Variants in MAP3K7 observed in about 807,000 individuals in gnomAD.
MAP3K7 encodes the protein TGF-beta activated kinase 1.
A neutral mutation model predicts 84.8 loss-of-function variants in MAP3K7; 21 were observed. The observed-to-expected ratio is 0.25, with a 90% CI of 0.18 to 0.36. The LOEUF is 0.36. Among genes scored for constraint, MAP3K7 ranks in the 10% least tolerant of loss-of-function variants. MAP3K7 has a pLI of 1.00. For missense variants in MAP3K7, 503 were observed against 747.7 expected (o/e 0.67, Z 3.82); for synonymous variants, 241 against 247.7 (o/e 0.97, Z 0.25).
intron 1 of MAP3K7, among the ~76,000 whole-genome samples, chr6:90,584,159 G>T (rs1305426886): frequency 6.6e-6 from 1 of 151,822 alleles, no homozygotes; most frequent in Non-Finnish European, 1.5e-5. Context: ...ATAAAATATT[G>T]GAAGCAACAT....
intron 12 of MAP3K7, among the ~76,000 whole-genome samples, chr6:90,543,990 T>C (rs997591672): frequency 6.6e-6 from 1 of 152,140 alleles, no homozygotes; most frequent in Admixed American, 6.6e-5. Context: ...CCAACTATTT[T>C]ACATGATTCT....
intron 12 of MAP3K7, among the ~76,000 whole-genome samples, chr6:90,540,807 AG>A (rs1189250664): frequency 6.6e-6 from 1 of 151,908 alleles, no homozygotes; most frequent in East Asian, 1.9e-4. Context: ...AAACTGAAAA[AG>A]GTTGTTCCTC....
intron 13 of MAP3K7, among the ~76,000 whole-genome samples, chr6:90,526,099 T>C (rs1775313631): frequency 6.6e-6 from 1 of 152,222 alleles, no homozygotes; most frequent in Middle Eastern, 3.4e-3. Flanking sequence ...CACCTTGGCC[T>C]CCCAAAGTGC....
intron 12 of MAP3K7, among the ~76,000 whole-genome samples, chr6:90,540,536 TACA>T (rs1775822471): frequency 6.6e-6 from 1 of 151,998 alleles, no homozygotes; most frequent in Admixed American, 6.6e-5. Context: ...ATGAACCATG[TACA>T]ACAAATTTTA....
At chr6:90,537,400 G>A (rs1193740440) in intron 12 of MAP3K7, among the ~76,000 whole-genome samples, 5 of 151,880 alleles carry the variant, frequency 3.3e-5, no homozygotes, top group East Asian at 1.9e-4. Context: ...AGAATCTTTC[G>A]TAGAGACATC....
intron 13 of MAP3K7, among the ~76,000 whole-genome samples, chr6:90,531,383 G>C (rs772535100): frequency 9.9e-5 from 15 of 152,064 alleles, no homozygotes; most frequent in Non-Finnish European, 1.9e-4. Flanking sequence ...AAAACACAGA[G>C]ATTAAATGAT....
At chr6:90,519,216 A>T (rs937023322) in intron 15 of MAP3K7, 42 bp downstream of exon 15, 1 of 1,264,510 alleles carries the variant, frequency 7.9e-7, no homozygotes, top group Non-Finnish European at 1.1e-6. Context: ...AAACTCTCTA[A>T]GAAGAAAAAA....
At chr6:90,580,792 G>A (rs1445345268) in intron 1 of MAP3K7, among the ~76,000 whole-genome samples, 1 of 152,110 alleles carries the variant, frequency 6.6e-6, no homozygotes, top group Non-Finnish European at 1.5e-5. Context: ...AAAAAACAGA[G>A]GAATGCAAAA....
rs765336789 is a variant in MAP3K7 at position 90,547,252 on chromosome 6, T to C, written c.1210+6A>G. 9.5e-5 allele frequency: 154 copies of C among 1,613,286 alleles called. No homozygotes were observed. The highest frequency in any genetic ancestry group is 1.2e-4 in the Non-Finnish European group (146 of 1,179,628). ...TTCACTCTTCAGACTTGTAGTTCCT[T>C]TTTACCTGTGGTTGCGGCGATCCTA... On this transcript the variant is annotated splice_donor_region_variant and intron_variant, in intron 11 of 16. Transcript: ENST00000369329.
At position 90,587,053 on chromosome 6, in the gene MAP3K7, G is replaced by T; in HGVS notation, c.-170C>A. 2.7e-6 allele frequency: 2 copies of T among 747,790 alleles called. No homozygotes were observed. The highest frequency in any genetic ancestry group is 3.9e-6 in the Non-Finnish European group (2 of 515,146). The allele number at this position is 747,790 out of a possible 1,614,324, so 46.3% of individuals were successfully genotyped here. A position where few individuals can be genotyped will look rare whatever the true frequency, so the allele number is the denominator to read the frequency against. ...GCGGCCACAGCCGTGTCCGGCTCTG[G>T]CTCCGCTGCGTTTTCCGCCGACGGG... On this transcript the variant is annotated 5_prime_UTR_variant, in exon 1 of 17. Coordinates refer to ENST00000369329, the MANE Select transcript of MAP3K7 (RefSeq NM_145331.3).
Position 90,550,463 on chromosome 6 carries a change from T to A in MAP3K7, c.949+5A>T, listed in dbSNP as rs919452605. The A allele has an allele frequency of 6.3e-7, 1 of 1,589,572 alleles. No individual in the cohort carries two copies. The highest frequency in any genetic ancestry group is 8.6e-7 in the Non-Finnish European group (1 of 1,160,358). The stretch of plus-strand genomic sequence containing the variant: ...AGTCAATACTCTTCCAATCTATCCA[T>A]TTACCTGTACTGGTGGCAGAGTTGC... On this transcript the variant is annotated splice_donor_5th_base_variant and intron_variant, in intron 9 of 16. Coordinates refer to ENST00000369329, the MANE Select transcript of MAP3K7 (RefSeq NM_145331.3).
intron 5 of MAP3K7, 64 bp from the exon 6 acceptor site, chr6:90,556,688 GA>G: frequency 6.8e-7 from 1 of 1,471,560 alleles, no homozygotes. Context: ...TACAATAAAA[GA>G]AGAGACATTT....
rs35149192 is a variant in MAP3K7, at chr6:90,552,668, A to G, written c.737-489T>C. ...AACTAAGAGTGGCGCTAAAATTAAG[A>G]AGGTAAGTAATTTTCCTTCATGAAA... On this transcript the variant is annotated intron_variant, in intron 7 of 16. Transcript: ENST00000369329. 4.7e-3 allele frequency among the ~76,000 whole-genome samples: 716 copies of G among 152,340 alleles called. 7 individuals are homozygous for G. Among genetic ancestry groups the G allele is most frequent in the African/African-American group, 0.016 (676 of 41,576 alleles).
At chr6:90,556,759 A>G (rs1174591612) in intron 5 of MAP3K7, 135 bp from the exon 6 acceptor site, 1 of 847,582 alleles carries the variant, frequency 1.2e-6, no homozygotes, top group Non-Finnish European at 1.7e-6. Context: ...TGAAATGACT[A>G]ATTTACTTGG....
At chr6:90,530,792 T>C (rs1429910248) in intron 13 of MAP3K7, among the ~76,000 whole-genome samples, 1 of 152,122 alleles carries the variant, frequency 6.6e-6, no homozygotes, top group Non-Finnish European at 1.5e-5. Flanking sequence ...CATCTGACAA[T>C]CAATGAAAAA....
At chr6:90,580,337 C>T (rs1777228121) in intron 1 of MAP3K7, among the ~76,000 whole-genome samples, 1 of 152,210 alleles carries the variant, frequency 6.6e-6, no homozygotes, top group Non-Finnish European at 1.5e-5. Flanking sequence ...ACTTAATATT[C>T]AAGTTGTAAA....
chr6:90,565,677 G>A (rs940768003), intron 3 of MAP3K7, among the ~76,000 whole-genome samples: 5 of 151,952 alleles, frequency 3.3e-5, no homozygotes, highest in Non-Finnish European at 7.4e-5. Context: ...TATTCCAATC[G>A]ATAGAAAAAG....
At chr6:90,546,483 T>C (rs1403964791) in intron 11 of MAP3K7, among the ~76,000 whole-genome samples, 1 of 152,106 alleles carries the variant, frequency 6.6e-6, no homozygotes. Flanking sequence ...CATTTCCACA[T>C]TTTCCACAAC....
At chr6:90,578,950 C>T (rs75048280) in intron 1 of MAP3K7, among the ~76,000 whole-genome samples, 139 of 152,206 alleles carry the variant, frequency 9.1e-4, no homozygotes, top group Non-Finnish European at 1.6e-3. Context: ...TTGAGTGTCA[C>T]CATAAACCCA....
Sources: gnomAD v4.1 joint callset for allele counts (sites outside exome capture counted in the v4.1 genomes callset) on GRCh38, gnomAD v4.1.1 for gene constraint, MANE v1.5 for transcripts, NCBI Gene and HGNC (gene_info 2026-07-23, HGNC 2026-07-21) for gene names.